The following CCDC91 variants were observed in gnomAD, a reference collection of about 807,000 sequenced individuals.
CCDC91 encodes coiled-coil domain containing 91.
In CCDC91, 48 loss-of-function variants were observed where a neutral mutation model predicts 63.2. The observed-to-expected ratio is 0.76, with a 90% confidence interval of 0.60 to 0.97. The LOEUF (loss-of-function observed/expected upper bound fraction) is 0.97, where lower values mean the gene tolerates loss of function less well. Among genes scored for constraint, CCDC91 ranks in the 50% least tolerant of loss-of-function variants. The pLI is 0.00. For synonymous variants in CCDC91, 167 were observed against 165.8 expected (o/e 1.01, Z -0.06); for missense variants, 500 against 494.6 (o/e 1.01, Z -0.10).
At chr12:28,473,125 A>C (rs900799077) in intron 11 of CCDC91, among the ~76,000 whole-genome samples, 5 of 152,200 alleles carry the variant, frequency 3.3e-5, no homozygotes, top group African/African-American at 1.2e-4. Context: ...AGCTTGAAAC[A>C]AAAGCTAATG....
chr12:28,337,257 A>G (rs753648560), intron 6 of CCDC91, among the ~76,000 whole-genome samples: 26 of 152,244 alleles, frequency 1.7e-4, no homozygotes, highest in Admixed American at 7.2e-4. Context: ...CCACCAAATA[A>G]CAACATGTAT....
chr12:28,443,956 G>A (rs1030556699), intron 8 of CCDC91, among the ~76,000 whole-genome samples: 4 of 151,698 alleles, frequency 2.6e-5, no homozygotes, highest in African/African-American at 9.7e-5. Context: ...TGCAGAACCT[G>A]TTTACTGGTT....
intron 1 of CCDC91, among the ~76,000 whole-genome samples, chr12:28,196,660 A>G (rs556621495): frequency 6.6e-6 from 1 of 152,344 alleles, no homozygotes; most frequent in East Asian, 1.9e-4. Context: ...TTTAATCACA[A>G]GTGAATGTTA....
chr12:28,356,460 C>A (rs1435822397), intron 6 of CCDC91, among the ~76,000 whole-genome samples: 2 of 152,006 alleles, frequency 1.3e-5, no homozygotes, highest in Non-Finnish European at 2.9e-5. Context: ...TAATTTTGTA[C>A]CATTTCTCAT....
intron 7 of CCDC91, among the ~76,000 whole-genome samples, chr12:28,363,609 C>G (rs1944048066): frequency 6.6e-6 from 1 of 152,134 alleles, no homozygotes; most frequent in South Asian, 2.1e-4. Flanking sequence ...TTGGGCCGGG[C>G]ATGGTGGCTC....
At chr12:28,402,498 G>GT (rs141031044) in intron 8 of CCDC91, among the ~76,000 whole-genome samples, 1,379 of 130,924 alleles carry the variant, frequency 0.011, 23 homozygotes, top group African/African-American at 0.038. Context: ...CAAGTTTGCT[G>GT]AATCACTTAT....
At chr12:28,301,646 A>C (rs1389176740) in intron 3 of CCDC91, among the ~76,000 whole-genome samples, 2 of 151,464 alleles carry the variant, frequency 1.3e-5, no homozygotes, top group African/African-American at 4.8e-5. Context: ...GGTTTGTATA[A>C]TGTTTGAATT....
intron 3 of CCDC91, among the ~76,000 whole-genome samples, chr12:28,261,595 C>T (rs1170556400): frequency 6.6e-6 from 1 of 151,914 alleles, no homozygotes; most frequent in Non-Finnish European, 1.5e-5. Context: ...TTTCAGTAGA[C>T]TGGAAGTTTA....
intron 6 of CCDC91, among the ~76,000 whole-genome samples, chr12:28,341,979 G>A (rs139581555): frequency 6.6e-6 from 1 of 152,316 alleles, no homozygotes; most frequent in East Asian, 1.9e-4. Context: ...TGCATGTCAA[G>A]AGATTCTTTA....
chr12:28,258,864 T>C (rs1289878550), intron 2 of CCDC91, among the ~76,000 whole-genome samples: 1 of 151,992 alleles, frequency 6.6e-6, no homozygotes, highest in Non-Finnish European at 1.5e-5. Flanking sequence ...AAAACTTGAG[T>C]TTTAGAAATT....
chr12:28,433,766 T>C (rs548602690), intron 8 of CCDC91, among the ~76,000 whole-genome samples: 6 of 152,038 alleles, frequency 3.9e-5, no homozygotes, highest in African/African-American at 1.2e-4. Flanking sequence ...TTAATTGAAA[T>C]TTCATTGAAA....
chr12:28,343,201 T>C (rs572797049), intron 6 of CCDC91, among the ~76,000 whole-genome samples: 10 of 143,614 alleles, frequency 7.0e-5, no homozygotes, highest in South Asian at 6.4e-4. Flanking sequence ...TTGTGTAATA[T>C]ATATATATAT....
intron 7 of CCDC91, among the ~76,000 whole-genome samples, chr12:28,368,082 T>C (rs1430975588): frequency 6.6e-6 from 1 of 152,214 alleles, no homozygotes; most frequent in East Asian, 1.9e-4. Context: ...TTTGTACATA[T>C]ATGGATTTAT....
At position 28,424,514 on chromosome 12, in the gene CCDC91, C is replaced by T. The variant is rs147768289; in HGVS notation, c.763-25647C>T. On this transcript the variant is annotated intron_variant, in intron 8 of 12. Coordinates refer to ENST00000536442, the MANE Select transcript of CCDC91 (RefSeq NM_018318.5). ...TTTTTACTCTTTGAATAAATGATACCTCATTTCTAATTTGCATTTGTCATA... is the reference window on the plus strand; with the variant it reads ...TTTTTACTCTTTGAATAAATGATACTTCATTTCTAATTTGCATTTGTCATA... Among the ~76,000 whole-genome samples, 289 of 152,164 alleles carry T rather than the reference C, an allele frequency of 1.9e-3. 2 individuals are homozygous for T. Among genetic ancestry groups the T allele is most frequent in the African/African-American group, 6.5e-3 (270 of 41,516 alleles).
At chr12:28,452,768 CTT>C in intron 11 of CCDC91, 114 bp downstream of exon 11, 1 of 418,544 alleles carries the variant, frequency 2.4e-6, no homozygotes, top group Non-Finnish European at 4.1e-6. Context: ...ATATTTATGA[CTT>C]TTTAATTTTT....
intron 12 of CCDC91, among the ~76,000 whole-genome samples, chr12:28,531,087 T>A (rs7136139): frequency 0.39 from 58,564 of 151,898 alleles, 11,702 homozygotes; most frequent in Middle Eastern, 0.46. Flanking sequence ...GACATTGAGA[T>A]TCTAGGTTGT....
At chr12:28,516,951 C>T (rs1025740938) in intron 12 of CCDC91, among the ~76,000 whole-genome samples, 4 of 151,876 alleles carry the variant, frequency 2.6e-5, no homozygotes, top group Non-Finnish European at 5.9e-5. Flanking sequence ...ACAGCAGATG[C>T]CCACTAGTCA....
At chr12:28,329,321 T>G (rs186501233) in intron 6 of CCDC91, among the ~76,000 whole-genome samples, 10 of 152,308 alleles carry the variant, frequency 6.6e-5, no homozygotes, top group Admixed American at 2.0e-4. Context: ...TATAATATTG[T>G]GGCATGTATT....
At position 28,504,736 on chromosome 12, in the gene CCDC91, C is replaced by T. The variant is rs181707826; in HGVS notation, c.1215+20571C>T. ...TTCTTTCACAAGCTACGTATGTAGGCATGCTTATGTCACTTAAAATATTCT... is the reference window on the plus strand; with the variant it reads ...TTCTTTCACAAGCTACGTATGTAGGTATGCTTATGTCACTTAAAATATTCT... On this transcript the variant is annotated intron_variant, in intron 12 of 12. Coordinates refer to ENST00000536442, the MANE Select transcript of CCDC91 (RefSeq NM_018318.5). 1.1e-3 allele frequency among the ~76,000 whole-genome samples: 174 copies of T among 152,010 alleles called. 1 individual carries two copies. The highest frequency in any genetic ancestry group is 3.3e-3 in the Admixed American group (50 of 15,242).
Sources: allele counts gnomAD v4.1 joint callset (sites outside exome capture counted in the v4.1 genomes callset), GRCh38; gene constraint gnomAD v4.1.1; transcripts MANE v1.5; gene names NCBI Gene and HGNC (gene_info 2026-07-23, HGNC 2026-07-21).